Variants in SLC20A2 observed in about 807,000 individuals in gnomAD.
SLC20A2 encodes the protein solute carrier family 20 member 2.
In SLC20A2, 30 loss-of-function variants were observed where a neutral mutation model predicts 61.0. The ratio of observed to expected loss-of-function variants is 0.49; its 90% CI spans 0.37 to 0.67. The LOEUF is 0.67. Among genes scored for constraint, SLC20A2 ranks in the 30% least tolerant of loss-of-function variants. The probability of loss-of-function intolerance (pLI) is 0.00; values close to 1 mark genes in which losing one functional copy is unlikely to be tolerated. For missense variants in SLC20A2, 626 were observed against 866.4 expected (o/e 0.72, Z 3.48); for synonymous variants, 351 against 353.3 (o/e 0.99, Z 0.07).
At chr8:42,525,017 T>C (rs992986827) in intron 1 of SLC20A2, among the ~76,000 whole-genome samples, 3 of 152,174 alleles carry the variant, frequency 2.0e-5, no homozygotes, top group South Asian at 4.1e-4. Flanking sequence ...GAATGCTGTT[T>C]TGTTTTTTTC....
chr8:42,538,958 G>T (rs1287790723), intron 1 of SLC20A2, among the ~76,000 whole-genome samples: 2 of 152,168 alleles, frequency 1.3e-5, no homozygotes, highest in Non-Finnish European at 2.9e-5. Flanking sequence ...GAGGAGGGCA[G>T]ATAACGAGGT....
intron 4 of SLC20A2, among the ~76,000 whole-genome samples, chr8:42,462,192 C>G (rs999927776): frequency 6.6e-6 from 1 of 152,042 alleles, no homozygotes; most frequent in Admixed American, 6.5e-5. Flanking sequence ...GGCTGGCAGG[C>G]TAGAGAGGGG....
intron 8 of SLC20A2, among the ~76,000 whole-genome samples, chr8:42,430,952 C>T (rs918351981): frequency 8.5e-5 from 13 of 152,150 alleles, no homozygotes; most frequent in East Asian, 5.8e-4. Context: ...CTCCACTGAC[C>T]GGCCACTGCC....
chr8:42,439,647 A>G lies in SLC20A2; in HGVS notation c.737T>C (p.Leu246Ser), dbSNP rs753213016. ...TCGTGATAAAGCACCTTCTTTTTGT[A>G]ATTTGCCTAAAGAAAACAAAGTCAT... ...PWMRRKITGK[L>S]QKEGALSRVS... Residue 246 changes from leucine (L) to serine (S), a missense_variant, in exon 7 of 11, where the codon TTA becomes TCA. Physicochemically the swap from Leu to Ser is moderately radical, Grantham distance 145. Around this residue, in one of 3 missense-constraint regions of SLC20A2, gnomAD observed 361 missense variants for 422.3 expected, o/e 0.85. Coordinates refer to ENST00000520262, the MANE Select transcript of SLC20A2 (RefSeq NM_001257180.2). The G allele has an allele frequency of 1.2e-6, 2 of 1,613,286 alleles. No homozygotes were observed. The highest frequency in any genetic ancestry group is 3.3e-5 in the Admixed American group (2 of 60,024).
chr8:42,430,240 G>C lies in SLC20A2; in HGVS notation c.1533C>G (p.Ile511Met). Residue 511 changes from isoleucine to methionine, a missense_variant, in exon 9 of 11, where the codon ATC becomes ATG. Transcript: ENST00000520262. The part of the protein sequence containing the change: ...AHGGNDVSNA[I>M]GPLVALWLIY... ...TCAGCCACAAGGCTACCAGGGGACCGATGGCATTACTGGGAAAAATAAAAA... is the reference window on the plus strand; with the variant it reads ...TCAGCCACAAGGCTACCAGGGGACCCATGGCATTACTGGGAAAAATAAAAA... The C allele has an allele frequency of 6.2e-7, 1 of 1,611,376 alleles. No homozygotes were observed. Among genetic ancestry groups the C allele is most frequent in the Non-Finnish European group, 8.5e-7 (1 of 1,179,000 alleles).
At chr8:42,469,719 G>T (rs1003665380) in intron 2 of SLC20A2, among the ~76,000 whole-genome samples, 3 of 152,100 alleles carry the variant, frequency 2.0e-5, no homozygotes, top group African/African-American at 7.2e-5. Flanking sequence ...CACGAGGTCA[G>T]GAGTTTGAGA....
chr8:42,424,331 G>A (rs575017622), intron 10 of SLC20A2, among the ~76,000 whole-genome samples: 26 of 151,830 alleles, frequency 1.7e-4, no homozygotes, highest in Non-Finnish European at 3.8e-4. Flanking sequence ...GGGGGGTGCG[G>A]GGGGGGATAG....
chr8:42,428,923 A>G, intron 9 of SLC20A2, 81 bp from the exon 10 acceptor site: 1 of 1,171,896 alleles, frequency 8.5e-7, no homozygotes, highest in Non-Finnish European at 1.2e-6. Flanking sequence ...GAGGCTCACC[A>G]GAACATTCTC....
At chr8:42,469,927 C>CAA (rs781431507) in intron 2 of SLC20A2, among the ~76,000 whole-genome samples, 2 of 100,828 alleles carry the variant, frequency 2.0e-5, no homozygotes, top group Non-Finnish European at 2.1e-5. Flanking sequence ...GATTCCGTCT[C>CAA]AAAAAAAAAA....
At chr8:42,445,966 GTTGT>G (rs1805182900) in intron 5 of SLC20A2, among the ~76,000 whole-genome samples, 1 of 152,122 alleles carries the variant, frequency 6.6e-6, no homozygotes, top group South Asian at 2.1e-4. Flanking sequence ...GATTTTTGTT[GTTGT>G]TTATTTATTT....
At chr8:42,502,068 T>C (rs1810352570), upstream of SLC20A2, among the ~76,000 whole-genome samples, 1 of 152,224 alleles carries the variant, frequency 6.6e-6, no homozygotes, top group Admixed American at 6.5e-5. Flanking sequence ...ATGACATATT[T>C]TGCTCTTATT....
intron 1 of SLC20A2, among the ~76,000 whole-genome samples, chr8:42,492,116 G>A (rs1266540797): frequency 6.6e-6 from 1 of 152,186 alleles, no homozygotes; most frequent in African/African-American, 2.4e-5. Context: ...CAGCACTTTG[G>A]GAGGCCGAGG....
intron 1 of SLC20A2, among the ~76,000 whole-genome samples, chr8:42,530,713 T>C (rs1812264416): frequency 6.6e-6 from 1 of 151,960 alleles, no homozygotes; most frequent in Admixed American, 6.6e-5. Flanking sequence ...ATAAATATGG[T>C]TAGTATTTTG....
In SLC20A2 at chr8:42,439,475, C is replaced by T. The variant is rs75248974; in HGVS notation, c.909G>A (p.Ala303=). The change falls in exon 7 of 11, where the codon GCG becomes GCA. Residue 303 remains alanine, a synonymous_variant. Transcript: ENST00000520262. ...CGTATGCAGCCCGAGGGTGGCTGCC[C>T]GCAGAAGTGCCTTCCGAGGTCCCCA... The part of the protein sequence containing the change: ...ETLGTSEGTS[A]GSHPRAAYGR... 7,251 of 1,613,736 alleles carry T rather than the reference C, an allele frequency of 4.5e-3. 205 individuals carry two copies. In the East Asian group the frequency reaches 0.072, roughly 16 times the overall value.
Position 42,437,637 on chromosome 8 carries a change from T to C in SLC20A2, c.935-60A>G, listed in dbSNP as rs1364393050. 1 of 1,376,010 alleles carries C rather than the reference T, an allele frequency of 7.3e-7. No individual in the cohort carries two copies. The highest frequency in any genetic ancestry group is 1.5e-5 in the African/African-American group (1 of 68,560). The allele number at this position is 1,376,010 out of a possible 1,614,324, so 85.2% of individuals were successfully genotyped here. ...CTTTTTTTTTTTTTTCTTTTCTTTTTGAGACGGAGCCTTGCTCTGTCCTCA... is the reference window on the plus strand; with the variant it reads ...CTTTTTTTTTTTTTTCTTTTCTTTTCGAGACGGAGCCTTGCTCTGTCCTCA... On this transcript the variant is annotated intron_variant, in intron 7 of 10. Coordinates refer to ENST00000520262, the MANE Select transcript of SLC20A2 (RefSeq NM_001257180.2). The surrounding 1 kb of genome is among the most constrained non-coding windows in gnomAD (Gnocchi z 6.4).
chr8:42,425,734 C>T, intron 10 of SLC20A2, among the ~76,000 whole-genome samples: 1 of 152,154 alleles, frequency 6.6e-6, no homozygotes, highest in East Asian at 1.9e-4. Context: ...TAATACTACT[C>T]ATCACCAGCT....
chr8:42,481,579 T>C (rs544489526), intron 1 of SLC20A2, among the ~76,000 whole-genome samples: 6 of 152,060 alleles, frequency 3.9e-5, no homozygotes, highest in Non-Finnish European at 7.4e-5. Context: ...CCCTTCAAAA[T>C]TGTCAAGATC....
At chr8:42,433,872 C>T (rs528981494) in intron 8 of SLC20A2, among the ~76,000 whole-genome samples, 3 of 152,254 alleles carry the variant, frequency 2.0e-5, no homozygotes, top group Admixed American at 6.5e-5. Flanking sequence ...TATGTATACC[C>T]GGAAGCAGGA....
intron 1 of SLC20A2, among the ~76,000 whole-genome samples, chr8:42,498,119 G>A (rs1013355431): frequency 5.3e-5 from 8 of 152,156 alleles, no homozygotes; most frequent in African/African-American, 1.9e-4. Context: ...ATCATTTTAT[G>A]GAGAAAGATG....
Sources: allele counts gnomAD v4.1 joint callset (sites outside exome capture counted in the v4.1 genomes callset), GRCh38; gene constraint gnomAD v4.1.1; regional missense constraint gnomAD v4.1.1; non-coding constraint Gnocchi (gnomAD v3.1); transcripts MANE v1.5; gene names NCBI Gene and HGNC (gene_info 2026-07-23, HGNC 2026-07-21).